Variants in CUL4B observed in about 807,000 individuals in gnomAD.
The protein encoded by CUL4B is cullin-4B.
A neutral mutation model predicts 69.2 loss-of-function variants in CUL4B; 1 was observed. The observed-to-expected ratio is 0.01, with a 90% CI of 0.01 to 0.07. CUL4B has a LOEUF of 0.07. Ranked by LOEUF, CUL4B falls within the 10% of genes least tolerant of loss-of-function variation. The probability of loss-of-function intolerance (pLI) is 1.00; values close to 1 mark genes in which losing one functional copy is unlikely to be tolerated. For synonymous variants in CUL4B, 237 were observed against 223.2 expected (o/e 1.06, Z -0.55); for missense variants, 328 against 638.8 (o/e 0.51, Z 5.24).
chrX:120,566,010 G>C (rs1010409886), upstream of CUL4B, among the ~76,000 whole-genome samples: 7 of 108,828 alleles, frequency 6.4e-5, no homozygotes, highest in African/African-American at 1.7e-4. Context: ...TTATAGGCGT[G>C]AGCCACCGCG....
chrX:120,530,401 A>T, intron 18 of CUL4B, 147 bp from the exon 19 acceptor site: 1 of 537,598 alleles, frequency 1.9e-6, no homozygotes. Context: ...AGATGCTGAC[A>T]GAGAAAAATC....
At chrX:120,547,432 C>CA (rs374278264) in intron 2 of CUL4B, among the ~76,000 whole-genome samples, 193 bp from the exon 3 acceptor site, 40 of 111,914 alleles carry the variant, frequency 3.6e-4, no homozygotes, top group African/African-American at 1.3e-3. Context: ...TGCACTGTAT[C>CA]AAAAAAGAAC....
At position 120,553,702 on chromosome X, in the gene CUL4B, G is replaced by A. The variant is rs1462006874; in HGVS notation, c.672+4222C>T. On this transcript the variant is annotated intron_variant, in intron 2 of 19. Transcript: ENST00000371322. ...GATGACTGCTTGAGGCCAGGAGTTCGAGAACAGCCTGGGCAACATAGCAAG... is the reference window on the plus strand; with the variant it reads ...GATGACTGCTTGAGGCCAGGAGTTCAAGAACAGCCTGGGCAACATAGCAAG... 2.7e-5 allele frequency among the ~76,000 whole-genome samples: 3 copies of A among 111,241 alleles called. No homozygotes were observed. The Admixed American group carries it at 2.9e-4, about 11-fold the overall frequency.
At chrX:120,545,640 A>T (rs192007257) in intron 4 of CUL4B, 123 bp from the exon 5 acceptor site, 104 of 496,495 alleles carry the variant, frequency 2.1e-4, no homozygotes, top group Non-Finnish European at 2.3e-4. Flanking sequence ...AAGATCAAAC[A>T]TGCAGATAAA....
rs142230816 is a variant in CUL4B, at chrX:120,534,975, C to T, written c.2161-389G>A. On this transcript the variant is annotated intron_variant, in intron 16 of 19. Coordinates refer to ENST00000371322, the MANE Select transcript of CUL4B (RefSeq NM_001079872.2). ...AAGTTTTTTGAGATTAGATATTGCA[C>T]ACTGTTTCCCTTAACTCCCACTCTA... Among the ~76,000 whole-genome samples, 530 of 112,024 alleles carry T rather than the reference C, an allele frequency of 4.7e-3. 2 individuals are homozygous for T. Among genetic ancestry groups the T allele is most frequent in the African/African-American group, 0.016 (498 of 30,843 alleles).
rs1359616319 is a variant in CUL4B at position 120,535,268 on chromosome X, G to T, written c.2160+562C>A. Among the ~76,000 whole-genome samples the T allele has an allele frequency of 2.7e-5, 3 of 111,516 alleles. No homozygotes were observed. The South Asian group carries it at 1.1e-3, about 41-fold the overall frequency. ...CATCCACAGGTGAGGAAAGGGTAGG[G>T]GGAAAGTTCACTGCTTTTCATTTTG... On this transcript the variant is annotated intron_variant, in intron 16 of 19. Transcript: ENST00000371322.
upstream of CUL4B, among the ~76,000 whole-genome samples, chrX:120,565,394 GA>G (rs776778280): frequency 1.7e-4 from 18 of 108,705 alleles, no homozygotes; most frequent in Non-Finnish European, 3.1e-4. Flanking sequence ...AAACAAAACA[GA>G]AAAAACGGCT....
At chrX:120,536,702 T>G (rs1339919182) in intron 15 of CUL4B, among the ~76,000 whole-genome samples, 1 of 111,817 alleles carries the variant, frequency 8.9e-6, no homozygotes, top group Non-Finnish European at 1.9e-5. Context: ...CATACACTTT[T>G]AAAAGTATCC....
chrX:120,527,518 ATCCCAGTAC>A (rs899697317), intron 19 of CUL4B, among the ~76,000 whole-genome samples: 1 of 110,695 alleles, frequency 9.0e-6, no homozygotes, highest in African/African-American at 3.3e-5. Flanking sequence ...AAGTACTGGA[ATCCCAGTAC>A]TCACAGGTGT....
intron 2 of CUL4B, among the ~76,000 whole-genome samples, chrX:120,549,862 C>G (rs1924582790): frequency 8.9e-6 from 1 of 112,012 alleles, no homozygotes; most frequent in Non-Finnish European, 1.9e-5. Context: ...TGACTGTTTT[C>G]TCAGCATTTC....
Position 120,547,188 on chromosome X carries a change from G to A in CUL4B, c.724C>T (p.Leu242=). The part of the protein sequence containing the change: ...YKISANLYKQ[L]RQICEDHIKA... The stretch of plus-strand genomic sequence containing the variant: ...ATGTGATCTTCGCAGATCTGTCTCA[G>A]CTGTTTGTACAAGTTTGCAGAAATC... The change falls in exon 3 of 20, where the codon CTG becomes TTG. Residue 242 remains leucine, a synonymous_variant. Transcript: ENST00000371322. 1.7e-6 allele frequency: 2 copies of A among 1,206,642 alleles called. No individual in the cohort carries two copies. The highest frequency in any genetic ancestry group is 2.2e-6 in the Non-Finnish European group (2 of 891,275).
At chrX:120,563,256 C>G (rs1239952939), upstream of CUL4B, among the ~76,000 whole-genome samples, 7 of 111,840 alleles carry the variant, frequency 6.3e-5, no homozygotes, top group Non-Finnish European at 1.3e-4. Flanking sequence ...GTTTTGAAGA[C>G]AGAATCTTGC....
At chrX:120,538,851 ACAC>A in intron 12 of CUL4B, 81 bp from the exon 13 acceptor site, 3 of 593,507 alleles carry the variant, frequency 5.1e-6, no homozygotes, top group Non-Finnish European at 5.6e-6. Flanking sequence ...TTAATAAAGC[ACAC>A]CATTATTCCA....
Position 120,529,964 on chromosome X carries a change from T to C in CUL4B, c.2592+138A>G, listed in dbSNP as rs1923212346. ...AAAGTTTTTTTTTTTGGAAATCATA[T>C]GCATCAACATGGGAAATTAAAACTT... is the stretch of plus-strand genomic sequence containing the variant. On this transcript the variant is annotated intron_variant, in intron 19 of 19. Transcript: ENST00000371322. 1.8e-5 allele frequency: 11 copies of C among 602,803 alleles called. No individual in the cohort carries two copies. The South Asian group carries it at 3.1e-4, about 17-fold the overall frequency. 49.7% of individuals were successfully genotyped at this position (602,803 alleles called of 1,213,427 possible). A position where few individuals can be genotyped will look rare whatever the true frequency, so the allele number is the denominator to read the frequency against.
At chrX:120,542,802 T>C (rs755867136) in intron 9 of CUL4B, among the ~76,000 whole-genome samples, 164 bp downstream of exon 9, 1 of 111,339 alleles carries the variant, frequency 9.0e-6, no homozygotes, top group East Asian at 2.8e-4. Flanking sequence ...ATAAGAAAAC[T>C]GGCACCTCCA....
upstream of CUL4B, among the ~76,000 whole-genome samples, chrX:120,561,592 G>A (rs1715712687): frequency 1.9e-5 from 2 of 106,128 alleles, no homozygotes; most frequent in African/African-American, 6.9e-5. Flanking sequence ...AAGGAGCCTC[G>A]GGGGAGGGAA....
upstream of CUL4B, among the ~76,000 whole-genome samples, chrX:120,564,941 C>G (rs774985544): frequency 1.8e-5 from 2 of 112,291 alleles, no homozygotes; most frequent in African/African-American, 6.5e-5. Context: ...ACAATGTTGC[C>G]ACATGAAGTG....
intron 10 of CUL4B, 86 bp downstream of exon 10, chrX:120,541,516 G>C: frequency 1.4e-6 from 1 of 692,680 alleles, no homozygotes; most frequent in Non-Finnish European, 2.3e-6. Flanking sequence ...AAAAAAATTG[G>C]ATCAAACAAG....
chrX:120,561,240 G>A (rs1569396934), upstream of CUL4B: 2 of 507,424 alleles, frequency 3.9e-6, no homozygotes, highest in Non-Finnish European at 7.0e-6. Context: ...AGACGCTCGC[G>A]CTAGTTCGCT....
Sources: gnomAD v4.1 joint callset for allele counts (sites outside exome capture counted in the v4.1 genomes callset) on GRCh38, gnomAD v4.1.1 for gene constraint, MANE v1.5 for transcripts, NCBI Gene and HGNC (gene_info 2026-07-23, HGNC 2026-07-21) for gene names.